Variants in SV2C observed in about 807,000 individuals in gnomAD.
SV2C encodes the protein synaptic vesicle glycoprotein 2C.
In SV2C, 49 loss-of-function variants were observed where a neutral mutation model predicts 79.7. That is an observed-to-expected ratio of 0.61 (90% CI 0.49 to 0.78). The LOEUF (loss-of-function observed/expected upper bound fraction) is 0.78, where lower values mean the gene tolerates loss of function less well. Ranked by LOEUF, SV2C falls within the 30% of genes least tolerant of loss-of-function variation. The probability of loss-of-function intolerance (pLI) is 0.00; values close to 1 mark genes in which losing one functional copy is unlikely to be tolerated. For missense variants in SV2C, 833 were observed against 912.9 expected, an observed-to-expected ratio of 0.91 and a Z score of 1.13; for synonymous variants, 334 against 333.2, an observed-to-expected ratio of 1.00 and a Z score of -0.03.
At chr5:75,986,875 G>T in the SV2C span, among the ~76,000 whole-genome samples, 1 of 152,036 alleles carries the variant, frequency 6.6e-6, no homozygotes, top group Non-Finnish European at 1.5e-5. Flanking sequence ...TTGAGGCAGA[G>T]GCCAGATGCA....
chr5:76,323,564 C>G (rs1748896018), intron 12 of SV2C, among the ~76,000 whole-genome samples: 1 of 152,198 alleles, frequency 6.6e-6, no homozygotes, highest in African/African-American at 2.4e-5. Flanking sequence ...ATAAATCATT[C>G]TACTATAAAG....
chr5:76,030,289 T>TTTTTTTATTTATTTATTTATTTA, the SV2C span, among the ~76,000 whole-genome samples: 4 of 117,910 alleles, frequency 3.4e-5, no homozygotes, highest in African/African-American at 1.6e-4. Flanking sequence ...TTTTTTTTTT[T>TTTTTTTATTTATTTATTTATTTA]TTTATTTATT....
the SV2C span, among the ~76,000 whole-genome samples, chr5:75,862,414 G>GA: frequency 6.6e-6 from 1 of 152,026 alleles, no homozygotes; most frequent in East Asian, 1.9e-4. Context: ...GGTAACTTTA[G>GA]AAAAAACATA....
intron 1 of SV2C, among the ~76,000 whole-genome samples, chr5:76,092,315 T>C (rs1022141607): frequency 1.3e-5 from 2 of 152,236 alleles, no homozygotes; most frequent in Non-Finnish European, 2.9e-5. Context: ...CCTGCAATGC[T>C]GTTTTTCAAG....
the SV2C span, among the ~76,000 whole-genome samples, chr5:75,927,241 C>T: frequency 2.0e-4 from 30 of 151,932 alleles, no homozygotes; most frequent in Non-Finnish European, 4.1e-4. Flanking sequence ...ATGGAAACAA[C>T]CCAAATGTCC....
At chr5:75,862,626 G>A in the SV2C span, among the ~76,000 whole-genome samples, 1 of 152,120 alleles carries the variant, frequency 6.6e-6, no homozygotes, top group African/African-American at 2.4e-5. Flanking sequence ...TCTTGCTGTG[G>A]CAAATTCTTG....
chr5:75,870,137 C>T, the SV2C span, among the ~76,000 whole-genome samples: 1 of 152,018 alleles, frequency 6.6e-6, no homozygotes, highest in Non-Finnish European at 1.5e-5. Flanking sequence ...TCCAGGAAAA[C>T]ATGACATCAC....
intron 4 of SV2C, chr5:76,242,440 G>A: frequency 1.7e-6 from 1 of 592,804 alleles, no homozygotes; most frequent in South Asian, 1.5e-5. Context: ...TGCCCACCTC[G>A]GCCTCCCAAA....
the SV2C span, among the ~76,000 whole-genome samples, chr5:75,984,602 T>TCTATCTATCTATCTAC: frequency 7.1e-6 from 1 of 141,228 alleles, no homozygotes; most frequent in Admixed American, 7.3e-5. Context: ...TATCTACCTA[T>TCTATCTATCTATCTAC]CTATCTATCT....
intron 2 of SV2C, among the ~76,000 whole-genome samples, chr5:76,194,486 C>T (rs1258272000): frequency 1.3e-5 from 2 of 152,192 alleles, no homozygotes; most frequent in Non-Finnish European, 2.9e-5. Context: ...GGTCTCATGA[C>T]AGGAGGAATC....
chr5:76,227,187 T>C (rs1745277232), intron 4 of SV2C, among the ~76,000 whole-genome samples: 2 of 152,144 alleles, frequency 1.3e-5, no homozygotes, highest in African/African-American at 4.8e-5. Flanking sequence ...AAAGCCAAAC[T>C]GCATGACGGC....
the SV2C span, chr5:75,921,334 A>G: frequency 8.9e-7 from 1 of 1,124,068 alleles, no homozygotes; most frequent in South Asian, 1.2e-5. Context: ...TGGAGCTCAC[A>G]TCCACATGCT....
intron 4 of SV2C, among the ~76,000 whole-genome samples, chr5:76,215,873 G>A (rs897184002): frequency 1.3e-5 from 2 of 152,116 alleles, no homozygotes; most frequent in Non-Finnish European, 1.5e-5. Flanking sequence ...GTGGACAAAG[G>A]TGTTCGCTGT....
intron 2 of SV2C, among the ~76,000 whole-genome samples, chr5:76,157,587 A>G (rs1364992064): frequency 6.6e-6 from 1 of 151,550 alleles, no homozygotes; most frequent in East Asian, 1.9e-4. Flanking sequence ...ACATACATAT[A>G]TATATTATCA....
chr5:76,254,160 ATG>A (rs1474326550), intron 4 of SV2C, among the ~76,000 whole-genome samples: 34 of 89,362 alleles, frequency 3.8e-4, no homozygotes, highest in Admixed American at 1.4e-3. Context: ...ATATATATAT[ATG>A]TGTGTGTGTG....
chr5:76,258,903 A>C (rs1746380013), intron 4 of SV2C, among the ~76,000 whole-genome samples: 1 of 152,224 alleles, frequency 6.6e-6, no homozygotes, highest in Non-Finnish European at 1.5e-5. Context: ...ATTTAAATAA[A>C]ATATGGAGCC....
At chr5:76,280,552 C>A (rs1366035356) in intron 4 of SV2C, among the ~76,000 whole-genome samples, 1 of 152,190 alleles carries the variant, frequency 6.6e-6, no homozygotes, top group African/African-American at 2.4e-5. Flanking sequence ...GAATAAAATT[C>A]AACAAAATTC....
the SV2C span, among the ~76,000 whole-genome samples, chr5:75,870,438 G>T: frequency 6.6e-6 from 1 of 151,602 alleles, no homozygotes; most frequent in Non-Finnish European, 1.5e-5. Flanking sequence ...TGAGATTGAA[G>T]ACAGGCTATT....
chr5:76,009,079 C>T, the SV2C span, among the ~76,000 whole-genome samples: 1 of 152,148 alleles, frequency 6.6e-6, no homozygotes, highest in Non-Finnish European at 1.5e-5. Context: ...AAACTGCAAC[C>T]CACCCTCTGG....
Sources: gnomAD v4.1 joint callset for allele counts (sites outside exome capture counted in the v4.1 genomes callset) on GRCh38, gnomAD v4.1.1 for gene constraint, MANE v1.5 for transcripts, NCBI Gene and HGNC (gene_info 2026-07-23, HGNC 2026-07-21) for gene names.